Variants in NOL4 observed in about 807,000 individuals in gnomAD.
NOL4 encodes nucleolar protein 4, also known as cancer/testis antigen 125.
A neutral mutation model predicts 75.9 loss-of-function variants in NOL4; 17 were observed. That is an observed-to-expected ratio of 0.22 (90% confidence interval 0.15 to 0.34). The LOEUF (loss-of-function observed/expected upper bound fraction) is 0.34, where lower values mean the gene tolerates loss of function less well. Among genes scored for constraint, NOL4 ranks in the 10% least tolerant of loss-of-function variants. The pLI is 1.00. For synonymous variants in NOL4, 292 were observed against 289.9 expected, an observed-to-expected ratio of 1.01 and a Z score of -0.07; for missense variants, 614 against 793.5, an observed-to-expected ratio of 0.77 and a Z score of 2.72.
chr18:34,116,423 G>A (rs1483551336), intron 2 of NOL4, among the ~76,000 whole-genome samples: 3 of 152,170 alleles, frequency 2.0e-5, no homozygotes, highest in African/African-American at 7.2e-5. Context: ...CAACTATAAA[G>A]CCAAATACTG....
chr18:33,934,641 A>C (rs986053038), intron 9 of NOL4, among the ~76,000 whole-genome samples: 1 of 152,148 alleles, frequency 6.6e-6, no homozygotes, highest in Non-Finnish European at 1.5e-5. Flanking sequence ...AAATCTCATG[A>C]ACTAATCTCT....
chr18:33,912,323 C>A (rs1438942735), intron 9 of NOL4, among the ~76,000 whole-genome samples: 3 of 151,910 alleles, frequency 2.0e-5, no homozygotes, highest in Admixed American at 6.6e-5. Context: ...TGCAAGGATT[C>A]AATTTTCCAT....
chr18:33,909,813 C>A, intron 9 of NOL4, among the ~76,000 whole-genome samples: 2 of 150,582 alleles, frequency 1.3e-5, no homozygotes, highest in South Asian at 2.1e-4. Context: ...GAAGGATAGG[C>A]AAGAGGAAGG....
chr18:34,051,920 C>CA (rs1465937485), intron 5 of NOL4, among the ~76,000 whole-genome samples: 2 of 151,740 alleles, frequency 1.3e-5, no homozygotes, highest in African/African-American at 4.8e-5. Context: ...TAAAAAGATA[C>CA]ATTTAATGCA....
At chr18:33,858,395 A>C (rs527571110) in intron 10 of NOL4, among the ~76,000 whole-genome samples, 20 of 152,098 alleles carry the variant, frequency 1.3e-4, no homozygotes, top group African/African-American at 4.6e-4. Context: ...AGAGTAAAAA[A>C]AAAATCAACT....
intron 9 of NOL4, among the ~76,000 whole-genome samples, chr18:33,907,579 A>C (rs2066139985): frequency 6.6e-6 from 1 of 152,172 alleles, no homozygotes; most frequent in Non-Finnish European, 1.5e-5. Context: ...AAACTTTTAG[A>C]AGCACAATGG....
At chr18:34,151,879 G>T (rs544359580) in intron 1 of NOL4, among the ~76,000 whole-genome samples, 3 of 151,860 alleles carry the variant, frequency 2.0e-5, no homozygotes, top group South Asian at 4.1e-4. Context: ...AGGGGGAAAA[G>T]GATATACTCT....
chr18:33,885,843 T>A (rs2064606931), intron 9 of NOL4, among the ~76,000 whole-genome samples: 1 of 152,022 alleles, frequency 6.6e-6, no homozygotes, highest in African/African-American at 2.4e-5. Flanking sequence ...AGAAAGAAAA[T>A]CAATTTATCA....
chr18:34,053,060 G>A (rs192762280), intron 5 of NOL4, among the ~76,000 whole-genome samples: 2 of 151,980 alleles, frequency 1.3e-5, no homozygotes, highest in African/African-American at 2.4e-5. Flanking sequence ...CACCAATTTT[G>A]GTGTGAAAAG....
chr18:34,029,809 C>T (rs532902081), intron 5 of NOL4, among the ~76,000 whole-genome samples: 4 of 152,176 alleles, frequency 2.6e-5, no homozygotes, highest in African/African-American at 7.2e-5. Flanking sequence ...TAATACAAAG[C>T]CAAGAGGTGA....
intron 5 of NOL4, among the ~76,000 whole-genome samples, chr18:34,067,698 A>T (rs1200454786): frequency 1.3e-5 from 2 of 152,220 alleles, no homozygotes; most frequent in Non-Finnish European, 2.9e-5. Flanking sequence ...TGGTCGGAGC[A>T]TCTGGGAGGA....
intron 6 of NOL4, among the ~76,000 whole-genome samples, chr18:34,011,253 A>C (rs746207289): frequency 3.3e-5 from 5 of 151,844 alleles, no homozygotes; most frequent in Non-Finnish European, 3.0e-5. Flanking sequence ...GTTTTAAATA[A>C]AAATAAAATA....
At chr18:34,010,187 T>A (rs2074290592) in intron 6 of NOL4, among the ~76,000 whole-genome samples, 1 of 151,918 alleles carries the variant, frequency 6.6e-6, no homozygotes, top group African/African-American at 2.4e-5. Context: ...TAACCATCAT[T>A]CTACACTATA....
chr18:34,008,230 G>T (rs2074152983), intron 6 of NOL4, among the ~76,000 whole-genome samples: 1 of 151,904 alleles, frequency 6.6e-6, no homozygotes, highest in South Asian at 2.1e-4. Flanking sequence ...GGCTCCCTTG[G>T]TTATCAGGCC....
intron 6 of NOL4, among the ~76,000 whole-genome samples, chr18:33,972,163 CAAA>C (rs34438324): frequency 2.0e-5 from 2 of 101,158 alleles, no homozygotes; most frequent in African/African-American, 3.7e-5. Flanking sequence ...GACTCTGTCT[CAAA>C]AAAAAAAAAA....
At chr18:34,139,976 T>C (rs1473400452) in intron 1 of NOL4, among the ~76,000 whole-genome samples, 1 of 152,202 alleles carries the variant, frequency 6.6e-6, no homozygotes, top group Non-Finnish European at 1.5e-5. Context: ...GGTTTCCATG[T>C]AGTTGAGCAG....
chr18:33,899,940 G>A (rs1012941626), intron 9 of NOL4, among the ~76,000 whole-genome samples: 34 of 152,084 alleles, frequency 2.2e-4, no homozygotes, highest in Middle Eastern at 3.2e-3. Flanking sequence ...GCCCATTTCT[G>A]TGTACATTTT....
chr18:33,855,688 C>T (rs980004958), intron 10 of NOL4, among the ~76,000 whole-genome samples: 1 of 151,974 alleles, frequency 6.6e-6, no homozygotes, highest in African/African-American at 2.4e-5. Context: ...TGCTAACATA[C>T]AATGCTGTTT....
chr18:34,022,011 G>A (rs1273162326), intron 5 of NOL4, among the ~76,000 whole-genome samples: 1 of 152,036 alleles, frequency 6.6e-6, no homozygotes, highest in Middle Eastern at 3.4e-3. Context: ...GGCTGAGGCA[G>A]GAGAATCGCT....
Sources: gnomAD v4.1 joint callset for allele counts (sites outside exome capture counted in the v4.1 genomes callset) on GRCh38, gnomAD v4.1.1 for gene constraint, MANE v1.5 for transcripts, NCBI Gene and HGNC (gene_info 2026-07-23, HGNC 2026-07-21) for gene names.